NOTCH2NLR: variants seen among roughly 807,000 people sequenced by gnomAD.
The protein encoded by NOTCH2NLR is notch 2 N-terminal like R (pseudogene).
A neutral mutation model predicts 35.6 loss-of-function variants in NOTCH2NLR; 33 were observed. The observed-to-expected ratio is 0.93, with a 90% CI of 0.70 to 1.24. The LOEUF (loss-of-function observed/expected upper bound fraction) is 1.24, where lower values mean the gene tolerates loss of function less well. NOTCH2NLR is among the 50% of genes most tolerant of loss of function. The pLI, the probability that NOTCH2NLR is intolerant of heterozygous loss-of-function variation, is 0.00. For missense variants in NOTCH2NLR, 276 were observed against 362.2 expected (o/e 0.76, Z 1.93); for synonymous variants, 103 against 141.0 (o/e 0.73, Z 1.91).
intron 3 of NOTCH2NLR, among the ~76,000 whole-genome samples, chr1:120,791,420 G>A (rs1300793727): frequency 9.3e-6 from 1 of 107,756 alleles, no homozygotes; most frequent in Non-Finnish European, 1.7e-5. Context: ...ATGATAGACT[G>A]GATTAAGAAA....
Position 120,733,132 on chromosome 1 carries a change from TG to T in NOTCH2NLR, c.73+8883del, listed in dbSNP as rs1571019686. 6.6e-4 allele frequency among the ~76,000 whole-genome samples: 61 copies of T among 92,566 alleles called. 15 individuals carry two copies. Among genetic ancestry groups the T allele is most frequent in the African/African-American group, 2.1e-3 (28 of 13,184 alleles). The allele number at this position is 92,566 out of a possible 152,430, so 60.7% of individuals were successfully genotyped here. On this transcript the variant is annotated intron_variant, in intron 1 of 4. Coordinates refer to ENST00000624419, the Ensembl canonical transcript of NOTCH2NLR. ...TTATTTTTATATATATATATATATA[TG>T]TTTAGTTTATGAACAGATCTACATA...
intron 2 of NOTCH2NLR, among the ~76,000 whole-genome samples, chr1:120,784,740 G>C (rs1415817356): frequency 8.5e-6 from 1 of 117,854 alleles, no homozygotes; most frequent in Admixed American, 8.1e-5. Context: ...CTATTAGAAT[G>C]TAAACTCCAA....
chr1:120,759,784 C>G lies in NOTCH2NLR; in HGVS notation c.74-3844C>G, dbSNP rs1405406762. Among the ~76,000 whole-genome samples, 7 of 115,716 alleles carry G rather than the reference C, an allele frequency of 6.0e-5. 3 individuals are homozygous for G. The highest frequency in any genetic ancestry group is 3.7e-4 in the African/African-American group (7 of 19,140). 75.9% of individuals were successfully genotyped at this position (115,716 alleles called of 152,430 possible). ...TATAATTTGCTAATACAATGTAGAA[C>G]AATTAAAAGGTAGTGTATCCTTCAT... On this transcript the variant is annotated intron_variant, in intron 1 of 4. Transcript: ENST00000624419.
At chr1:120,789,971 A>C (rs1651465328) in intron 3 of NOTCH2NLR, among the ~76,000 whole-genome samples, 1 of 87,310 alleles carries the variant, frequency 1.1e-5, no homozygotes. Context: ...GTTGTTAAGA[A>C]GGATCTCTTC....
At chr1:120,770,620 T>C (rs1362046454) in intron 2 of NOTCH2NLR, among the ~76,000 whole-genome samples, 1 of 121,498 alleles carries the variant, frequency 8.2e-6, no homozygotes, top group Admixed American at 7.8e-5. Flanking sequence ...GTATTTACTT[T>C]AGTCCTCATG....
intron 1 of NOTCH2NLR, among the ~76,000 whole-genome samples, chr1:120,759,779 T>C (rs1651113754): frequency 8.6e-6 from 1 of 116,090 alleles, no homozygotes; most frequent in Non-Finnish European, 1.6e-5. Flanking sequence ...TAATACAATG[T>C]AGAACAATTA....
Position 120,758,884 on chromosome 1 carries a change from G to A in NOTCH2NLR, c.74-4744G>A, listed in dbSNP as rs1345554460. On this transcript the variant is annotated intron_variant, in intron 1 of 4. Coordinates refer to ENST00000624419, the Ensembl canonical transcript of NOTCH2NLR. Reference sequence around the variant, plus strand: ...GCTCAAAGCATACCTCCTCAGGGAGGCCTTTCCTAGACACTATCTGAGGTA... The same window carrying A: ...GCTCAAAGCATACCTCCTCAGGGAGACCTTTCCTAGACACTATCTGAGGTA... Among the ~76,000 whole-genome samples the A allele has an allele frequency of 1.6e-4, 13 of 82,450 alleles. No individual in the cohort carries two copies. In the East Asian group the frequency reaches 3.4e-3, roughly 22 times the overall value. 54.1% of individuals were successfully genotyped at this position (82,450 alleles called of 152,430 possible). A position where few individuals can be genotyped will look rare whatever the true frequency, so the allele number is the denominator to read the frequency against.
rs1365117588 is a variant in NOTCH2NLR at position 120,724,717 on chromosome 1, G to A, written c.73+467G>A. Among the ~76,000 whole-genome samples, 12 of 123,904 alleles carry A rather than the reference G, an allele frequency of 9.7e-5. 4 individuals are homozygous for A. The highest frequency in any genetic ancestry group is 4.8e-4 in the African/African-American group (12 of 25,244). The allele number at this position is 123,904 out of a possible 152,430, so 81.3% of individuals were successfully genotyped here. On this transcript the variant is annotated intron_variant, in intron 1 of 4. Coordinates refer to ENST00000624419, the Ensembl canonical transcript of NOTCH2NLR. ...GGCCTGCAGCTTCGCAGCCAGCCTC[G>A]CCTTTGCCAGGGGGCGGCACATGGG...
In NOTCH2NLR at chr1:120,755,665, A is replaced by AT. The variant is rs1237405045; in HGVS notation, c.74-7956dup. On this transcript the variant is annotated intron_variant, in intron 1 of 4. Coordinates refer to ENST00000624419, the Ensembl canonical transcript of NOTCH2NLR. Reference sequence around the variant, plus strand: ...CTAGATTTATCAGCTAACTGGAATGATTTTTTTATAGTATGAAAAGTCTAT... The same window carrying AT: ...CTAGATTTATCAGCTAACTGGAATGATTTTTTTTATAGTATGAAAAGTCTAT... 5.4e-4 allele frequency among the ~76,000 whole-genome samples: 50 copies of AT among 91,800 alleles called. 6 individuals carry two copies. Among genetic ancestry groups the AT allele is most frequent in the Non-Finnish European group, 7.6e-4 (39 of 51,546 alleles). The allele number at this position is 91,800 out of a possible 152,430, so 60.2% of individuals were successfully genotyped here.
rs1485338146 is a variant in NOTCH2NLR, at chr1:120,765,691, T to C, written c.155+1982T>C. ...AGGACACATGCACATGTGTGTTTAC[T>C]GCAGCACTATTTACAGTAGGAAAGA... On this transcript the variant is annotated intron_variant, in intron 2 of 4. Coordinates refer to ENST00000624419, the Ensembl canonical transcript of NOTCH2NLR. 3.8e-5 allele frequency among the ~76,000 whole-genome samples: 4 copies of C among 105,692 alleles called. 1 individual carries two copies. The East Asian group carries it at 8.9e-4, about 24-fold the overall frequency. The allele number at this position is 105,692 out of a possible 152,430, so 69.3% of individuals were successfully genotyped here.
chr1:120,737,904 TA>T (rs1650923073), intron 1 of NOTCH2NLR, among the ~76,000 whole-genome samples: 1 of 87,242 alleles, frequency 1.1e-5, no homozygotes, highest in African/African-American at 6.8e-5. Context: ...TTCCAAATTT[TA>T]TTTTGCCGAT....
intron 2 of NOTCH2NLR, among the ~76,000 whole-genome samples, chr1:120,770,184 T>A (rs1468838216): frequency 1.0e-5 from 1 of 97,892 alleles, no homozygotes; most frequent in Admixed American, 1.0e-4. Context: ...TGTTGTTTTT[T>A]TTTGAGACAG....
intron 2 of NOTCH2NLR, among the ~76,000 whole-genome samples, chr1:120,780,116 G>A (rs1490499009): frequency 8.2e-6 from 1 of 121,320 alleles, no homozygotes; most frequent in Non-Finnish European, 1.6e-5. Flanking sequence ...AGCCTGCTAT[G>A]GAACCAGCTG....
At chr1:120,760,173 A>G (rs1269454978) in intron 1 of NOTCH2NLR, among the ~76,000 whole-genome samples, 1 of 43,122 alleles carries the variant, frequency 2.3e-5, no homozygotes, top group Non-Finnish European at 3.9e-5. Flanking sequence ...GTATATATCT[A>G]CCACAGCTTT....
rs1216415903 is a variant in NOTCH2NLR at position 120,788,503 on chromosome 1, C to T, written c.415+3270C>T. On this transcript the variant is annotated intron_variant, in intron 3 of 4. Transcript: ENST00000624419. ...AGTGGTACCACTTCCATTTCCACCC[C>T]GTGATTCCTGGACCTGTGAATCCTG... 2.4e-4 allele frequency among the ~76,000 whole-genome samples: 10 copies of T among 41,794 alleles called. 4 individuals carry two copies. The highest frequency in any genetic ancestry group is 9.4e-4 in the Admixed American group (4 of 4,260). The allele number at this position is 41,794 out of a possible 152,430, so 27.4% of individuals were successfully genotyped here.
chr1:120,759,669 A>T lies in NOTCH2NLR; in HGVS notation c.74-3959A>T, dbSNP rs1186848496. Among the ~76,000 whole-genome samples the T allele has an allele frequency of 2.9e-5, 3 of 102,654 alleles. 1 individual carries two copies. The highest frequency in any genetic ancestry group is 2.0e-4 in the African/African-American group (3 of 15,196). 67.3% of individuals were successfully genotyped at this position (102,654 alleles called of 152,430 possible). On this transcript the variant is annotated intron_variant, in intron 1 of 4. Transcript: ENST00000624419. Reference sequence around the variant, plus strand: ...TAGTATTCATTTTTGCTCCTGAGTAAAGCCACAAGTCTCAAGATTATTTTT... The same window carrying T: ...TAGTATTCATTTTTGCTCCTGAGTATAGCCACAAGTCTCAAGATTATTTTT...
rs2101419332 is a variant in NOTCH2NLR, at chr1:120,767,948, C to T, written c.155+4239C>T. ...GTTGTCTATGGATGTGTTTCTATTTCTATCAACTGCTCCTTCTTTGGACCA... is the reference window on the plus strand; with the variant it reads ...GTTGTCTATGGATGTGTTTCTATTTTTATCAACTGCTCCTTCTTTGGACCA... On this transcript the variant is annotated intron_variant, in intron 2 of 4. Coordinates refer to ENST00000624419, the Ensembl canonical transcript of NOTCH2NLR. Among the ~76,000 whole-genome samples the T allele has an allele frequency of 1.7e-5, 2 of 117,998 alleles. 1 individual carries two copies. The highest frequency in any genetic ancestry group is 9.8e-5 in the African/African-American group (2 of 20,354). 77.4% of individuals were successfully genotyped at this position (117,998 alleles called of 152,430 possible).
Position 120,768,163 on chromosome 1 carries a change from C to G in NOTCH2NLR, c.155+4454C>G, listed in dbSNP as rs1401832466. Among the ~76,000 whole-genome samples the G allele has an allele frequency of 1.5e-4, 17 of 110,876 alleles. 3 individuals are homozygous for G. Among genetic ancestry groups the G allele is most frequent in the Non-Finnish European group, 2.2e-4 (13 of 58,928 alleles). 72.7% of individuals were successfully genotyped at this position (110,876 alleles called of 152,430 possible). The stretch of plus-strand genomic sequence containing the variant: ...TAGGGTGGGCCTACTTCTGTTCTGC[C>G]CTTAGTCCGATGACACAAATCTTAG... On this transcript the variant is annotated intron_variant, in intron 2 of 4. Transcript: ENST00000624419.
Position 120,724,278 on chromosome 1 carries a change from C to T in NOTCH2NLR, c.73+28C>T. On this transcript the variant is annotated intron_variant, in intron 1 of 4. Coordinates refer to ENST00000624419, the Ensembl canonical transcript of NOTCH2NLR. ...GAGTATCGGGCTGAGGGGCGCTGTC[C>T]GCGGCGCCCGGGGCTGCCACCTGGG... is the stretch of plus-strand genomic sequence containing the variant. 21 of 1,378,580 alleles carry T rather than the reference C, an allele frequency of 1.5e-5. 5 individuals are homozygous for T. Among genetic ancestry groups the T allele is most frequent in the Admixed American group, 2.3e-5 (1 of 43,626 alleles). The allele number at this position is 1,378,580 out of a possible 1,614,324, so 85.4% of individuals were successfully genotyped here.
Sources: gnomAD v4.1 joint callset for allele counts (sites outside exome capture counted in the v4.1 genomes callset) on GRCh38, gnomAD v4.1.1 for gene constraint, MANE v1.5 for transcripts, NCBI Gene and HGNC (gene_info 2026-07-23, HGNC 2026-07-21) for gene names.